The following MAGI2 variants were observed in gnomAD, a reference collection of about 807,000 sequenced individuals.
MAGI2 encodes the protein membrane associated guanylate kinase, WW and PDZ domain containing 2.
MAGI2 carries 35 observed loss-of-function variants against 133.3 expected under a neutral mutation model. The observed-to-expected ratio is 0.26, with a 90% CI of 0.20 to 0.35. The LOEUF (loss-of-function observed/expected upper bound fraction) is 0.35, where lower values mean the gene tolerates loss of function less well. MAGI2 is among the 10% of genes least tolerant of loss of function. The probability of loss-of-function intolerance (pLI) is 1.00; values close to 1 mark genes in which losing one functional copy is unlikely to be tolerated. For synonymous variants in MAGI2, 729 were observed against 710.6 expected, an observed-to-expected ratio of 1.03 and a Z score of -0.41; for missense variants, 1,636 against 1,863.4, an observed-to-expected ratio of 0.88 and a Z score of 2.25.
At position 79,232,329 on chromosome 7, in the gene MAGI2, C is replaced by T. The variant is rs751347276; in HGVS notation, c.301+220691G>A. 2.6e-3 allele frequency among the ~76,000 whole-genome samples: 365 copies of T among 141,124 alleles called. 6 individuals carry two copies. The East Asian group carries it at 0.031, about 12-fold the overall frequency. The allele number at this position is 141,124 out of a possible 152,430, so 92.6% of individuals were successfully genotyped here. ...TCATAAAATGAGTTAGGGAGGATTC[C>T]CTCTTTTTCTATTGATTGGAATAGT... is the stretch of plus-strand genomic sequence containing the variant. On this transcript the variant is annotated intron_variant, in intron 1 of 21. Coordinates refer to ENST00000354212, the MANE Select transcript of MAGI2 (RefSeq NM_012301.4).
chr7:79,038,062 G>A (rs912524635), intron 1 of MAGI2, among the ~76,000 whole-genome samples: 1 of 152,106 alleles, frequency 6.6e-6, no homozygotes, highest in African/African-American at 2.4e-5. Flanking sequence ...CTCTTTTTGT[G>A]ACATTAGTAG....
chr7:79,426,925 G>C (rs1404914070), intron 1 of MAGI2, among the ~76,000 whole-genome samples: 1 of 152,024 alleles, frequency 6.6e-6, no homozygotes, highest in Non-Finnish European at 1.5e-5. Context: ...TGTATGCCTG[G>C]ATGGTTCTGC....
At chr7:79,310,007 GA>G (rs1260693930) in intron 1 of MAGI2, among the ~76,000 whole-genome samples, 2 of 143,650 alleles carry the variant, frequency 1.4e-5, no homozygotes, top group African/African-American at 2.5e-5. Context: ...AGAAAGAATG[GA>G]AAAAAAATTA....
At chr7:78,990,503 A>G (rs750219078) in intron 2 of MAGI2, among the ~76,000 whole-genome samples, 22 of 151,994 alleles carry the variant, frequency 1.4e-4, no homozygotes, top group Non-Finnish European at 2.8e-4. Flanking sequence ...CTCAATCGGA[A>G]TGTCCTTCTA....
chr7:78,948,177 A>G (rs1374227464), intron 2 of MAGI2, among the ~76,000 whole-genome samples: 1 of 152,112 alleles, frequency 6.6e-6, no homozygotes, highest in Non-Finnish European at 1.5e-5. Context: ...CTGCCTTGAA[A>G]ATTAAATATA....
At chr7:79,424,685 A>G (rs1335741124) in intron 1 of MAGI2, among the ~76,000 whole-genome samples, 1 of 152,178 alleles carries the variant, frequency 6.6e-6, no homozygotes, top group Non-Finnish European at 1.5e-5. Flanking sequence ...TTTTTTGTCC[A>G]TTTAAAAAAT....
rs3735442 is a variant in MAGI2 at position 78,489,792 on chromosome 7, C to T, written c.1014G>A (p.Lys338=). 0.31 allele frequency: 491,797 copies of T among 1,610,112 alleles called. 76,886 individuals carry two copies. Among genetic ancestry groups the T allele is most frequent in the African/African-American group, 0.43 (32,232 of 74,714 alleles). ...CTTTGCACTCTTCTGGAGGTTTAGC[C>T]TTTTTCGCAAGTCGTGGATCCAGCC... is the stretch of plus-strand genomic sequence containing the variant. ...TSWLDPRLAK[K]AKPPEECKEN... is the part of the protein sequence containing the mutation. The change falls in exon 6 of 22, where the codon AAG becomes AAA. Residue 338 remains lysine, a synonymous_variant. Coordinates refer to ENST00000354212, the MANE Select transcript of MAGI2 (RefSeq NM_012301.4).
chr7:79,204,275 C>T (rs1415678963), intron 1 of MAGI2, among the ~76,000 whole-genome samples: 2 of 152,090 alleles, frequency 1.3e-5, no homozygotes, highest in Non-Finnish European at 2.9e-5. Context: ...TGTGTGTAAA[C>T]TCAAACTATG....
At chr7:78,515,100 G>A (rs1795928241) in intron 4 of MAGI2, among the ~76,000 whole-genome samples, 1 of 152,152 alleles carries the variant, frequency 6.6e-6, no homozygotes. Context: ...CTTGTGAGGG[G>A]AAGCTACAAG....
chr7:78,444,910 T>A (rs1037628708), intron 6 of MAGI2, among the ~76,000 whole-genome samples: 4 of 149,110 alleles, frequency 2.7e-5, no homozygotes, highest in African/African-American at 7.3e-5. Flanking sequence ...TATATACAAA[T>A]ATATATGTAA....
At chr7:79,257,180 A>AG (rs1833751926) in intron 1 of MAGI2, among the ~76,000 whole-genome samples, 1 of 152,164 alleles carries the variant, frequency 6.6e-6, no homozygotes, top group Admixed American at 6.6e-5. Context: ...TAATAATAAT[A>AG]GTCCCTTGCA....
intron 4 of MAGI2, among the ~76,000 whole-genome samples, chr7:78,511,913 G>A (rs1038699783): frequency 1.6e-4 from 24 of 150,410 alleles, no homozygotes; most frequent in African/African-American, 5.4e-4. Flanking sequence ...GGCTAACACG[G>A]TGAAACCTCG....
chr7:78,055,977 T>G (rs1812525414), intron 21 of MAGI2, among the ~76,000 whole-genome samples: 1 of 152,214 alleles, frequency 6.6e-6, no homozygotes, highest in Non-Finnish European at 1.5e-5. Context: ...ACTTACCATC[T>G]TAACCATTTG....
rs575032350 is a variant in MAGI2, at chr7:78,379,019, A to G, written c.1046-9806T>C. Among the ~76,000 whole-genome samples, 3 of 152,186 alleles carry G rather than the reference A, an allele frequency of 2.0e-5. No individual in the cohort carries two copies. The South Asian group carries it at 6.2e-4, about 32-fold the overall frequency. On this transcript the variant is annotated intron_variant, in intron 6 of 21. Transcript: ENST00000354212. ...TAAGGGCCTCATAGAAGTTACCAGT[A>G]CAAAGACAAACATTAGAACACAATT... is the stretch of plus-strand genomic sequence containing the variant.
intron 1 of MAGI2, among the ~76,000 whole-genome samples, chr7:79,238,382 C>T (rs1832096657): frequency 6.6e-6 from 1 of 151,986 alleles, no homozygotes; most frequent in South Asian, 2.1e-4. Flanking sequence ...CCTTTTTGAT[C>T]TTACAATGGC....
chr7:78,042,556 C>G (rs1810969509), intron 21 of MAGI2, among the ~76,000 whole-genome samples: 1 of 152,196 alleles, frequency 6.6e-6, no homozygotes, highest in African/African-American at 2.4e-5. Context: ...ATCGTGCTCC[C>G]TGACCAAGCA....
chr7:78,409,367 C>CT (rs1797666172), intron 6 of MAGI2, among the ~76,000 whole-genome samples: 1 of 152,010 alleles, frequency 6.6e-6, no homozygotes, highest in Non-Finnish European at 1.5e-5. Context: ...AAGTGAAGTC[C>CT]TGTAGAAGTG....
At chr7:78,703,138 T>A (rs1563378029) in intron 2 of MAGI2, among the ~76,000 whole-genome samples, 2 of 151,870 alleles carry the variant, frequency 1.3e-5, no homozygotes, top group South Asian at 2.1e-4. Context: ...AAATAAAGTT[T>A]AAAAAAAATC....
At chr7:78,613,584 T>A (rs1563244076) in intron 3 of MAGI2, among the ~76,000 whole-genome samples, 2 of 152,048 alleles carry the variant, frequency 1.3e-5, no homozygotes, top group Non-Finnish European at 2.9e-5. Flanking sequence ...AGAAAGCAAA[T>A]AATGTCAATG....
Sources: allele counts gnomAD v4.1 joint callset (sites outside exome capture counted in the v4.1 genomes callset), GRCh38; gene constraint gnomAD v4.1.1; transcripts MANE v1.5; gene names NCBI Gene and HGNC (gene_info 2026-07-23, HGNC 2026-07-21).